CAGE1: variants seen among roughly 807,000 people sequenced by gnomAD.
CAGE1 encodes cancer antigen 1.
In CAGE1, 66 loss-of-function variants were observed where a neutral mutation model predicts 94.9. That is an observed-to-expected ratio of 0.70 (90% CI 0.57 to 0.85). The LOEUF (loss-of-function observed/expected upper bound fraction) is 0.85. Among genes scored for constraint, CAGE1 ranks in the 40% least tolerant of loss-of-function variants. CAGE1 has a pLI of 0.00. For missense variants in CAGE1, 865 were observed against 950.4 expected, an observed-to-expected ratio of 0.91 and a Z score of 1.18; for synonymous variants, 319 against 321.0, an observed-to-expected ratio of 0.99 and a Z score of 0.07.
At chr6:7,363,778 G>A (rs1760238187) in intron 9 of CAGE1, among the ~76,000 whole-genome samples, 1 of 152,162 alleles carries the variant, frequency 6.6e-6, no homozygotes, top group Non-Finnish European at 1.5e-5. Flanking sequence ...TCAAGTATTG[G>A]TCAATATGAC....
At chr6:7,344,513 C>T (rs1759342940) in intron 11 of CAGE1, among the ~76,000 whole-genome samples, 1 of 152,256 alleles carries the variant, frequency 6.6e-6, no homozygotes, top group Admixed American at 6.5e-5. Context: ...CCTCCATGAG[C>T]TCCTGTGCGG....
chr6:7,369,963 T>C lies in CAGE1; in HGVS notation c.1849A>G (p.Met617Val). Residue 617 changes from methionine (M) to valine (V), a missense_variant, in exon 6 of 14, where the codon ATG (methionine) becomes GTG (valine). Met to Val is a conservative substitution (Grantham distance 21). Transcript: ENST00000502583. Reference sequence around the variant, plus strand: ...ACCATCAGAGCCAGAAGACTGTGCATTTTGGAGGCCAGCTGAGAAGCTCTT... The same window carrying C: ...ACCATCAGAGCCAGAAGACTGTGCACTTTGGAGGCCAGCTGAGAAGCTCTT... The part of the protein sequence containing the change: ...IKRASQLASK[M>V]HSLLALMVGL... 2 of 1,613,790 alleles carry C rather than the reference T, an allele frequency of 1.2e-6. No homozygotes were observed. Among genetic ancestry groups the C allele is most frequent in the Non-Finnish European group, 8.5e-7 (1 of 1,179,804 alleles).
intron 3 of CAGE1, among the ~76,000 whole-genome samples, chr6:7,379,688 C>T (rs1193151667): frequency 3.9e-5 from 6 of 152,208 alleles, no homozygotes; most frequent in Non-Finnish European, 7.3e-5. Flanking sequence ...AACCAGTGTA[C>T]TGAAGCCCAT....
At chr6:7,387,752 G>A (rs1181562421) in intron 1 of CAGE1, among the ~76,000 whole-genome samples, 1 of 151,756 alleles carries the variant, frequency 6.6e-6, no homozygotes, top group East Asian at 1.9e-4. Context: ...GAGCGCGGTG[G>A]CTCACGCCTG....
At chr6:7,379,087 T>C (rs1760852034) in intron 3 of CAGE1, 67 bp from the exon 4 acceptor site, 2 of 981,652 alleles carry the variant, frequency 2.0e-6, no homozygotes, top group Non-Finnish European at 2.9e-6. Flanking sequence ...AACAGTTATA[T>C]TTATATTTAT....
chr6:7,353,946 G>C (rs1759866997), intron 11 of CAGE1, among the ~76,000 whole-genome samples: 1 of 152,104 alleles, frequency 6.6e-6, no homozygotes, highest in South Asian at 2.1e-4. Flanking sequence ...TTGTGGGGAA[G>C]TGTGGAAGGG....
chr6:7,331,982 G>A (rs1351736734), intron 12 of CAGE1, among the ~76,000 whole-genome samples: 1 of 152,056 alleles, frequency 6.6e-6, no homozygotes, highest in African/African-American at 2.4e-5. Flanking sequence ...TGCTTCTTTT[G>A]CTTACTCTAA....
intron 9 of CAGE1, among the ~76,000 whole-genome samples, chr6:7,363,903 A>T (rs1484452909): frequency 6.6e-6 from 1 of 152,220 alleles, no homozygotes; most frequent in African/African-American, 2.4e-5. Context: ...TTCTAAACTT[A>T]TCTTTTCTTC....
At chr6:7,387,599 C>T (rs1008832662) in intron 1 of CAGE1, among the ~76,000 whole-genome samples, 1 of 152,058 alleles carries the variant, frequency 6.6e-6, no homozygotes, top group Non-Finnish European at 1.5e-5. Flanking sequence ...GTTTTCCCTC[C>T]TCACTTTCCT....
intron 9 of CAGE1, among the ~76,000 whole-genome samples, chr6:7,359,418 A>G (rs570376995): frequency 6.6e-6 from 1 of 152,246 alleles, no homozygotes; most frequent in Non-Finnish European, 1.5e-5. Context: ...TGGCCTGCCC[A>G]TGTGTACTGC....
chr6:7,365,439 A>G, intron 9 of CAGE1, 29 bp downstream of exon 9: 1 of 1,564,858 alleles, frequency 6.4e-7, no homozygotes, highest in Non-Finnish European at 8.7e-7. Flanking sequence ...TATAAAAATA[A>G]TAGCAAGGTA....
rs770487178 is a variant in CAGE1 at position 7,368,811 on chromosome 6, G to A, written c.1894-13C>T. The A allele has an allele frequency of 4.1e-5, 61 of 1,475,040 alleles. No individual in the cohort carries two copies. Among genetic ancestry groups the A allele is most frequent in the Non-Finnish European group, 4.0e-5 (44 of 1,097,436 alleles). 91.4% of individuals were successfully genotyped at this position (1,475,040 alleles called of 1,614,324 possible). A position where few individuals can be genotyped will look rare whatever the true frequency, so the allele number is the denominator to read the frequency against. The stretch of plus-strand genomic sequence containing the variant: ...AATTGATGATGTCCTAAGGGTAAGA[G>A]TTTCAGAAGCTAGATGAAAAAGTTT... On this transcript the variant is annotated splice_polypyrimidine_tract_variant and intron_variant, in intron 6 of 13. Transcript: ENST00000502583.
At chr6:7,366,245 C>CAAAA (rs775283906) in intron 7 of CAGE1, among the ~76,000 whole-genome samples, 15 of 71,136 alleles carry the variant, frequency 2.1e-4, no homozygotes, top group African/African-American at 6.2e-4. Context: ...GACTCTGTCT[C>CAAAA]AAAAAAAAAA....
chr6:7,331,534 G>C (rs1561845216), intron 12 of CAGE1: 2 of 394,230 alleles, frequency 5.1e-6, no homozygotes, highest in Non-Finnish European at 9.7e-6. Flanking sequence ...GCCCTGGTTT[G>C]AAACTCTTTG....
intron 11 of CAGE1, among the ~76,000 whole-genome samples, chr6:7,335,799 A>G (rs1410943498): frequency 2.6e-5 from 4 of 151,550 alleles, no homozygotes; most frequent in Admixed American, 2.6e-4. Context: ...CTGGTCTTGA[A>G]CTCCTGGCCT....
At chr6:7,338,729 C>T (rs1236620658) in intron 11 of CAGE1, 2 of 668,808 alleles carry the variant, frequency 3.0e-6, no homozygotes, top group Middle Eastern at 4.0e-4. Flanking sequence ...CCCCAAGTCC[C>T]CAAAGTCCAC....
At chr6:7,385,544 T>C (rs574099285) in intron 3 of CAGE1, among the ~76,000 whole-genome samples, 1 of 152,336 alleles carries the variant, frequency 6.6e-6, no homozygotes, top group East Asian at 1.9e-4. Flanking sequence ...GGCTCATTCA[T>C]TTAAAGCTAC....
intron 2 of CAGE1, 128 bp downstream of exon 2, chr6:7,386,851 T>C (rs1761138724): frequency 1.4e-6 from 1 of 690,180 alleles, no homozygotes. Flanking sequence ...GACCCTGTAT[T>C]CCCCTCCTTT....
At chr6:7,383,567 T>C (rs989189290) in intron 3 of CAGE1, among the ~76,000 whole-genome samples, 2 of 152,236 alleles carry the variant, frequency 1.3e-5, no homozygotes, top group Non-Finnish European at 2.9e-5. Flanking sequence ...TTGTTACCCT[T>C]CTGCCTATAA....
Sources: gnomAD v4.1 joint callset for allele counts (sites outside exome capture counted in the v4.1 genomes callset) on GRCh38, gnomAD v4.1.1 for gene constraint, MANE v1.5 for transcripts, NCBI Gene and HGNC (gene_info 2026-07-23, HGNC 2026-07-21) for gene names.